SIL1: variants seen among roughly 807,000 people sequenced by gnomAD.
SIL1 encodes nucleotide exchange factor SIL1.
A neutral mutation model predicts 49.1 loss-of-function variants in SIL1; 40 were observed. That is an observed-to-expected ratio of 0.81 (90% CI 0.63 to 1.06). SIL1 has a LOEUF of 1.06. Among genes scored for constraint, SIL1 ranks in the 50% least tolerant of loss-of-function variants. The pLI, the probability that SIL1 is intolerant of heterozygous loss-of-function variation, is 0.00. For missense variants in SIL1, 500 were observed against 572.6 expected, an observed-to-expected ratio of 0.87 and a Z score of 1.29; for synonymous variants, 253 against 250.8, an observed-to-expected ratio of 1.01 and a Z score of -0.08.
chr5:138,957,890 C>T (rs1408081228), intron 7 of SIL1, among the ~76,000 whole-genome samples: 1 of 151,786 alleles, frequency 6.6e-6, no homozygotes, highest in South Asian at 2.1e-4. Flanking sequence ...ATAGTCCTTA[C>T]CCCCCACTCT....
Position 139,059,021 on chromosome 5 carries a change from A to G in SIL1, c.245-7975T>C, listed in dbSNP as rs1013307866. 4.0e-5 allele frequency among the ~76,000 whole-genome samples: 6 copies of G among 151,170 alleles called. No individual in the cohort carries two copies. In the East Asian group the frequency reaches 1.2e-3, roughly 29 times the overall value. ...ACCTTAGACTGGGTAATTTATAAAC[A>G]ATACAAATTATATATACACACACAA... On this transcript the variant is annotated intron_variant, in intron 3 of 9. Transcript: ENST00000394817.
At chr5:139,170,176 G>T (rs556690937) in intron 1 of SIL1, among the ~76,000 whole-genome samples, 2 of 152,316 alleles carry the variant, frequency 1.3e-5, no homozygotes, top group African/African-American at 4.8e-5. Flanking sequence ...GTGCTCAATG[G>T]TGCCCAGGCT....
At chr5:139,004,407 G>A (rs1306880167) in intron 7 of SIL1, among the ~76,000 whole-genome samples, 2 of 152,166 alleles carry the variant, frequency 1.3e-5, no homozygotes, top group Non-Finnish European at 2.9e-5. Context: ...CAGAATTCAT[G>A]TATTTTATCA....
intron 1 of SIL1, among the ~76,000 whole-genome samples, chr5:139,167,448 G>A (rs1751647569): frequency 6.6e-6 from 1 of 152,076 alleles, no homozygotes; most frequent in Non-Finnish European, 1.5e-5. Context: ...GTAGACCTAG[G>A]CTAATGTATT....
At chr5:139,115,589 A>C (rs1250975116) in intron 3 of SIL1, among the ~76,000 whole-genome samples, 1 of 152,180 alleles carries the variant, frequency 6.6e-6, no homozygotes, top group Non-Finnish European at 1.5e-5. Flanking sequence ...AAAAGCCCTG[A>C]AACAACAGGA....
chr5:139,130,120 TA>T (rs1169167596), intron 1 of SIL1, among the ~76,000 whole-genome samples: 2 of 151,918 alleles, frequency 1.3e-5, no homozygotes, highest in African/African-American at 4.8e-5. Flanking sequence ...AAAAACAAAT[TA>T]AAAATTTTTT....
intron 5 of SIL1, chr5:139,035,593 A>G: frequency 2.5e-6 from 1 of 405,826 alleles, no homozygotes; most frequent in East Asian, 6.3e-5. Flanking sequence ...TACCTGTGCC[A>G]GCACAGACAT....
intron 3 of SIL1, chr5:139,107,858 G>A (rs368709286): frequency 8.5e-5 from 13 of 152,174 alleles, no homozygotes; most frequent in African/African-American, 2.7e-4. Context: ...ATAACCCTCT[G>A]AAGTAGGCAT....
At chr5:139,049,793 T>TAAA (rs746363870) in intron 4 of SIL1, among the ~76,000 whole-genome samples, 2 of 117,640 alleles carry the variant, frequency 1.7e-5, no homozygotes, top group Non-Finnish European at 1.8e-5. Flanking sequence ...ACCCTATCTC[T>TAAA]AAAAAAAAAA....
At chr5:138,998,341 T>C (rs1382739136) in intron 7 of SIL1, among the ~76,000 whole-genome samples, 1 of 152,126 alleles carries the variant, frequency 6.6e-6, no homozygotes, top group Non-Finnish European at 1.5e-5. Context: ...CAAATTTTTA[T>C]ATTTTTTGTA....
intron 3 of SIL1, among the ~76,000 whole-genome samples, chr5:139,072,533 T>C (rs751495660): frequency 3.3e-5 from 5 of 152,192 alleles, no homozygotes; most frequent in Admixed American, 6.5e-5. Context: ...CTTGGTATAT[T>C]TGTCATATAC....
chr5:139,144,275 G>GACAGTGCCA (rs1247643787), intron 1 of SIL1, among the ~76,000 whole-genome samples: 1 of 152,024 alleles, frequency 6.6e-6, no homozygotes, highest in Non-Finnish European at 1.5e-5. Flanking sequence ...AGTGGGCTAT[G>GACAGTGCCA]ACAGTGCCAT....
chr5:139,185,533 TCA>T (rs1281899667), intron 1 of SIL1, among the ~76,000 whole-genome samples: 2 of 152,228 alleles, frequency 1.3e-5, no homozygotes, highest in South Asian at 4.1e-4. Flanking sequence ...TCACTTAAAG[TCA>T]CAGTTTCCAA....
intron 3 of SIL1, among the ~76,000 whole-genome samples, chr5:139,101,329 C>A (rs1716638087): frequency 1.3e-5 from 2 of 152,190 alleles, no homozygotes; most frequent in African/African-American, 4.8e-5. Context: ...CAAATACCAG[C>A]TTTTCCAAGC....
chr5:139,134,262 C>T (rs1581125012), intron 1 of SIL1, among the ~76,000 whole-genome samples: 1 of 152,144 alleles, frequency 6.6e-6, no homozygotes, highest in Admixed American at 6.5e-5. Flanking sequence ...GGACTACTAC[C>T]GAGTAGCAGA....
intron 1 of SIL1, among the ~76,000 whole-genome samples, chr5:139,135,621 G>A (rs1191262345): frequency 6.7e-6 from 1 of 150,304 alleles, no homozygotes; most frequent in Non-Finnish European, 1.5e-5. Context: ...CCCTTTCTCT[G>A]TACTCCCAGA....
intron 2 of SIL1, among the ~76,000 whole-genome samples, chr5:139,126,557 C>G (rs1004453390): frequency 6.6e-6 from 1 of 152,308 alleles, no homozygotes; most frequent in East Asian, 1.9e-4. Flanking sequence ...CCCAACCTCA[C>G]GCTGTAGCCA....
At chr5:139,102,500 A>AAG (rs769397584) in intron 3 of SIL1, among the ~76,000 whole-genome samples, 11 of 57,912 alleles carry the variant, frequency 1.9e-4, no homozygotes, top group East Asian at 5.4e-4. Flanking sequence ...AAAAAAAAAA[A>AAG]AGAGAGAGAG....
chr5:139,178,875 T>C (rs1010253975), intron 1 of SIL1, among the ~76,000 whole-genome samples: 1 of 152,134 alleles, frequency 6.6e-6, no homozygotes, highest in African/African-American at 2.4e-5. Context: ...TTTATATACA[T>C]TTGTTGACTG....
Sources: gnomAD v4.1 joint callset for allele counts (sites outside exome capture counted in the v4.1 genomes callset) on GRCh38, gnomAD v4.1.1 for gene constraint, MANE v1.5 for transcripts, NCBI Gene and HGNC (gene_info 2026-07-23, HGNC 2026-07-21) for gene names.